Variants in TTC39B observed in about 807,000 individuals in gnomAD.
The protein encoded by TTC39B is tetratricopeptide repeat domain 39B.
Under a neutral mutation model 96.6 loss-of-function variants are expected in TTC39B, and 92 were observed. The ratio of observed to expected loss-of-function variants is 0.95; its 90% CI spans 0.80 to 1.13. The LOEUF (loss-of-function observed/expected upper bound fraction) is 1.13, where lower values mean the gene tolerates loss of function less well. TTC39B is among the 50% of genes most tolerant of loss of function. The pLI, the probability that TTC39B is intolerant of heterozygous loss-of-function variation, is 0.00. For missense variants in TTC39B, 955 were observed against 809.3 expected, an observed-to-expected ratio of 1.18 and a Z score of -2.18; for synonymous variants, 367 against 299.4, an observed-to-expected ratio of 1.23 and a Z score of -2.33.
At chr9:15,301,910 A>T (rs1232228913) in intron 1 of TTC39B, among the ~76,000 whole-genome samples, 1 of 152,242 alleles carries the variant, frequency 6.6e-6, no homozygotes, top group Non-Finnish European at 1.5e-5. Context: ...CACATAAGCC[A>T]TTTATTTCCT....
intron 7 of TTC39B, among the ~76,000 whole-genome samples, chr9:15,202,833 T>G (rs1168720278): frequency 6.6e-6 from 1 of 152,128 alleles, no homozygotes; most frequent in Non-Finnish European, 1.5e-5. Flanking sequence ...ACCCTCACTG[T>G]AGCCATCACT....
intron 1 of TTC39B, among the ~76,000 whole-genome samples, chr9:15,284,973 T>G (rs973656138): frequency 6.6e-6 from 1 of 151,980 alleles, no homozygotes; most frequent in Non-Finnish European, 1.5e-5. Context: ...ATAACTAAGA[T>G]CCTTTCGGCC....
chr9:15,166,982 T>TATA (rs1817529336), exon 20 of TTC39B: 1 of 20,274 alleles, frequency 4.9e-5, no homozygotes, highest in African/African-American at 1.8e-4. Context: ...AACCTTTATT[T>TATA]TATATATATA....
intron 2 of TTC39B, among the ~76,000 whole-genome samples, chr9:15,239,238 T>C (rs1181968759): frequency 6.6e-6 from 1 of 152,110 alleles, no homozygotes; most frequent in African/African-American, 2.4e-5. Flanking sequence ...CCAGTCAGAA[T>C]GGCTATTATT....
intron 5 of TTC39B, 87 bp from the exon 6 acceptor site, chr9:15,210,251 C>G: frequency 1.2e-6 from 1 of 858,502 alleles, no homozygotes; most frequent in Non-Finnish European, 1.9e-6. Flanking sequence ...ATTTCAGTCA[C>G]TATCACACCA....
intron 1 of TTC39B, among the ~76,000 whole-genome samples, chr9:15,280,077 T>C (rs375080954): frequency 6.6e-4 from 101 of 152,124 alleles, no homozygotes; most frequent in African/African-American, 2.3e-3. Context: ...TTTGTATTTT[T>C]AGTAGAGACA....
At chr9:15,293,479 T>C (rs904267944) in intron 1 of TTC39B, among the ~76,000 whole-genome samples, 3 of 151,998 alleles carry the variant, frequency 2.0e-5, no homozygotes, top group African/African-American at 4.8e-5. Flanking sequence ...TTTTAGGAAA[T>C]TGGGCATGAG....
At chr9:15,286,453 A>C (rs1823978707) in intron 1 of TTC39B, among the ~76,000 whole-genome samples, 1 of 152,180 alleles carries the variant, frequency 6.6e-6, no homozygotes, top group South Asian at 2.1e-4. Context: ...GTGTCCTCCT[A>C]AGGGCATTTA....
exon 5 of TTC39B, chr9:15,211,304 G>A (rs781781810): frequency 1.5e-5 from 23 of 1,585,402 alleles, no homozygotes; most frequent in Middle Eastern, 1.7e-4. Flanking sequence ...TGGCAGAAAT[G>A]CCGTTCTGGA....
intron 2 of TTC39B, among the ~76,000 whole-genome samples, chr9:15,241,532 C>G (rs989931986): frequency 3.3e-5 from 5 of 151,768 alleles, no homozygotes; most frequent in Non-Finnish European, 5.9e-5. Context: ...ATTATAAATT[C>G]CTGAATTTAT....
At chr9:15,299,015 C>A (rs1824483252) in intron 1 of TTC39B, among the ~76,000 whole-genome samples, 1 of 152,168 alleles carries the variant, frequency 6.6e-6, no homozygotes, top group Non-Finnish European at 1.5e-5. Context: ...ACTACCCTCT[C>A]TCCCAGGAGA....
At chr9:15,206,747 T>G (rs186982325) in intron 6 of TTC39B, among the ~76,000 whole-genome samples, 1 of 152,132 alleles carries the variant, frequency 6.6e-6, no homozygotes, top group African/African-American at 2.4e-5. Flanking sequence ...TTTATTAGTT[T>G]ATTTTTTTTA....
At chr9:15,278,811 G>C (rs761000869) in intron 1 of TTC39B, among the ~76,000 whole-genome samples, 3 of 152,168 alleles carry the variant, frequency 2.0e-5, no homozygotes, top group Non-Finnish European at 4.4e-5. Flanking sequence ...TAAAAAGTGA[G>C]CATTTCACCT....
chr9:15,302,539 CAA>C (rs145173046), intron 1 of TTC39B, among the ~76,000 whole-genome samples: 590 of 46,698 alleles, frequency 0.013, 3 homozygotes, highest in African/African-American at 0.055. Flanking sequence ...GATTCCGTCT[CAA>C]AAAAAAAAAA....
chr9:15,211,421 G>T, intron 4 of TTC39B, 24 bp from the exon 5 acceptor site: 1 of 1,453,960 alleles, frequency 6.9e-7, no homozygotes, highest in Non-Finnish European at 9.1e-7. Flanking sequence ...AGGGAATTCA[G>T]ACATTTTAAT....
chr9:15,231,284 A>AT (rs1409663178), intron 2 of TTC39B, among the ~76,000 whole-genome samples: 4 of 152,150 alleles, frequency 2.6e-5, no homozygotes, highest in Admixed American at 2.6e-4. Flanking sequence ...GAGTGCTTGG[A>AT]TTACCAGCAT....
chr9:15,251,350 G>A (rs1822528448), intron 2 of TTC39B, among the ~76,000 whole-genome samples: 1 of 151,918 alleles, frequency 6.6e-6, no homozygotes, highest in African/African-American at 2.4e-5. Context: ...ATCACCTGAG[G>A]TTGGGAACTC....
At chr9:15,285,087 C>T (rs1483273075) in intron 1 of TTC39B, among the ~76,000 whole-genome samples, 3 of 151,922 alleles carry the variant, frequency 2.0e-5, no homozygotes, top group East Asian at 3.9e-4. Context: ...CGGTGAAACC[C>T]CGTCTCTACT....
At chr9:15,192,484 C>G (rs1818911703) in intron 9 of TTC39B, 106 bp downstream of exon 9, 1 of 838,858 alleles carries the variant, frequency 1.2e-6, no homozygotes, top group African/African-American at 1.7e-5. Context: ...GTTTGTCAAC[C>G]AACCCAAGGA....
Sources: allele counts gnomAD v4.1 joint callset (sites outside exome capture counted in the v4.1 genomes callset), GRCh38; gene constraint gnomAD v4.1.1; transcripts MANE v1.5; gene names NCBI Gene and HGNC (gene_info 2026-07-23, HGNC 2026-07-21).